MEI4: variants seen among roughly 807,000 people sequenced by gnomAD.
MEI4 encodes the protein meiosis-specific protein MEI4.
MEI4 carries 27 observed loss-of-function variants against 31.4 expected under a neutral mutation model. The ratio of observed to expected loss-of-function variants is 0.86; its 90% CI spans 0.63 to 1.19. The LOEUF (loss-of-function observed/expected upper bound fraction) is 1.19. MEI4 is among the 50% of genes most tolerant of loss of function. The pLI is 0.00. For synonymous variants in MEI4, 122 were observed against 145.4 expected, an observed-to-expected ratio of 0.84 and a Z score of 1.16; for missense variants, 329 against 398.9, an observed-to-expected ratio of 0.82 and a Z score of 1.49.
chr6:77,719,393 A>G (rs1459192536), intron 2 of MEI4, among the ~76,000 whole-genome samples: 1 of 131,324 alleles, frequency 7.6e-6, no homozygotes. Context: ...GAATCTACAG[A>G]TGGGACTGAC....
At chr6:77,841,313 G>GCATATATATATATATATA (rs1395757777) in intron 4 of MEI4, among the ~76,000 whole-genome samples, 12 of 48,388 alleles carry the variant, frequency 2.5e-4, no homozygotes, top group South Asian at 5.7e-4. Flanking sequence ...ACAAATGTGT[G>GCATATATATATATATATA]CATATATATA....
At chr6:77,824,321 G>A (rs1225877550) in intron 3 of MEI4, among the ~76,000 whole-genome samples, 2 of 151,988 alleles carry the variant, frequency 1.3e-5, no homozygotes, top group Admixed American at 1.3e-4. Flanking sequence ...GGCTGGTCTC[G>A]AACTCCTGAC....
intron 4 of MEI4, among the ~76,000 whole-genome samples, chr6:77,844,662 A>G (rs1232858716): frequency 6.6e-6 from 1 of 152,160 alleles, no homozygotes; most frequent in African/African-American, 2.4e-5. Context: ...TAAATTATGC[A>G]GGGAATATAT....
rs562431475 is a variant in MEI4 at position 77,874,482 on chromosome 6, T to C, written c.900+45420T>C. ...TATCTTGAGACTTTGCTGAAGTTGCTTGTCAGCTTAAGGAGATTTTGGGCT... is the reference window on the plus strand; with the variant it reads ...TATCTTGAGACTTTGCTGAAGTTGCCTGTCAGCTTAAGGAGATTTTGGGCT... On this transcript the variant is annotated intron_variant, in intron 4 of 4. Coordinates refer to ENST00000684080, the MANE Select transcript of MEI4 (RefSeq NM_001322247.2). Among the ~76,000 whole-genome samples the C allele has an allele frequency of 3.3e-5, 5 of 152,344 alleles. No homozygotes were observed. In the East Asian group the frequency reaches 5.8e-4, roughly 18 times the overall value.
chr6:77,702,431 G>T (rs1766246907), intron 2 of MEI4, among the ~76,000 whole-genome samples: 1 of 152,146 alleles, frequency 6.6e-6, no homozygotes, highest in South Asian at 2.1e-4. Flanking sequence ...GTTTAAAATT[G>T]TAGTTGATTT....
chr6:77,788,519 A>C (rs1254087950), intron 3 of MEI4, among the ~76,000 whole-genome samples: 5 of 152,186 alleles, frequency 3.3e-5, no homozygotes, highest in Non-Finnish European at 4.4e-5. Context: ...GTCTCAGTCC[A>C]AAATCTCCTT....
At chr6:77,799,063 A>G (rs1340636183) in intron 3 of MEI4, among the ~76,000 whole-genome samples, 5 of 151,760 alleles carry the variant, frequency 3.3e-5, no homozygotes, top group South Asian at 2.1e-4. Context: ...CTGAGGAATC[A>G]CCACACTGAC....
At chr6:77,805,939 A>G (rs1281464102) in intron 3 of MEI4, among the ~76,000 whole-genome samples, 2 of 152,112 alleles carry the variant, frequency 1.3e-5, no homozygotes, top group East Asian at 3.8e-4. Flanking sequence ...TGTCTCTAAA[A>G]ATAGAATCAT....
At chr6:77,901,062 G>T (rs1218743359) in intron 4 of MEI4, among the ~76,000 whole-genome samples, 1 of 151,818 alleles carries the variant, frequency 6.6e-6, no homozygotes, top group Non-Finnish European at 1.5e-5. Context: ...TTTTAAGGCT[G>T]AATAATAGTT....
intron 4 of MEI4, among the ~76,000 whole-genome samples, chr6:77,905,475 CTTTTTTTTTTTTTTTTTTTTTTTTTTT>C (rs70974691): frequency 1.1e-5 from 1 of 93,340 alleles, no homozygotes; most frequent in Non-Finnish European, 2.1e-5. Flanking sequence ...AAATTTTCAG[CTTTTTTTTTTTTTTTTTTTTTTTTTTT>C]TTTTTTTTTT....
At chr6:77,659,095 T>G (rs1239361443) in intron 1 of MEI4, among the ~76,000 whole-genome samples, 2 of 152,080 alleles carry the variant, frequency 1.3e-5, no homozygotes, top group African/African-American at 4.8e-5. Flanking sequence ...AGCAGAGAAG[T>G]CATTAGACAG....
At chr6:77,776,294 T>C (rs1768440383) in intron 3 of MEI4, among the ~76,000 whole-genome samples, 1 of 152,146 alleles carries the variant, frequency 6.6e-6, no homozygotes, top group Non-Finnish European at 1.5e-5. Flanking sequence ...TTCTGCTTAC[T>C]ATACCTAACC....
chr6:77,776,278 CT>C (rs1331964523), intron 3 of MEI4, among the ~76,000 whole-genome samples: 2 of 151,734 alleles, frequency 1.3e-5, no homozygotes, highest in African/African-American at 2.4e-5. Context: ...CTTTTGAGGG[CT>C]TTTTTTCTGC....
rs1004609058 is a variant in MEI4, at chr6:77,695,744, C to T, written c.232+4841C>T. Among the ~76,000 whole-genome samples, 545 of 152,178 alleles carry T rather than the reference C, an allele frequency of 3.6e-3. 1 individual carries two copies. The highest frequency in any genetic ancestry group is 5.7e-3 in the African/African-American group (235 of 41,508). On this transcript the variant is annotated intron_variant, in intron 2 of 4. Transcript: ENST00000684080. ...TTGGCTTAGGATTGACTTGGCAATG[C>T]GGGCTCTTTTTTGGTTCCATATGAA...
In MEI4 at chr6:77,820,134, CTG is replaced by C. The variant is rs986520431; in HGVS notation, c.769-8796_769-8795del. On this transcript the variant is annotated intron_variant, in intron 3 of 4. Coordinates refer to ENST00000684080, the MANE Select transcript of MEI4 (RefSeq NM_001322247.2). This position sits in a 1 kb window ranked among gnomAD's most constrained non-coding sequence, Gnocchi z 4.5. ...ATGAGTTGTTTTGATAGAAACGAAA[CTG>C]AAATATAAAAGTAAGTATTTTAAAA... is the stretch of plus-strand genomic sequence containing the variant. 2.0e-5 allele frequency among the ~76,000 whole-genome samples: 3 copies of C among 151,892 alleles called. No individual in the cohort carries two copies. Among genetic ancestry groups the C allele is most frequent in the Non-Finnish European group, 1.5e-5 (1 of 67,992 alleles).
chr6:77,818,980 C>T (rs1425165900), intron 3 of MEI4, among the ~76,000 whole-genome samples: 2 of 152,152 alleles, frequency 1.3e-5, no homozygotes, highest in African/African-American at 4.8e-5. Context: ...AAGTAATCCT[C>T]TTGGCTTCCC....
chr6:77,700,049 C>A (rs1337862717), intron 2 of MEI4, among the ~76,000 whole-genome samples: 4 of 152,226 alleles, frequency 2.6e-5, no homozygotes, highest in Non-Finnish European at 5.9e-5. Flanking sequence ...GGTCAGGGAC[C>A]CACTTGAGGA....
chr6:77,799,581 T>A (rs1769186703), intron 3 of MEI4, among the ~76,000 whole-genome samples: 1 of 152,212 alleles, frequency 6.6e-6, no homozygotes, highest in African/African-American at 2.4e-5. Context: ...GCCTATGTCC[T>A]GAATGGTAAT....
chr6:77,739,864 G>A (rs1234870331), intron 2 of MEI4, among the ~76,000 whole-genome samples: 1 of 152,020 alleles, frequency 6.6e-6, no homozygotes, highest in Non-Finnish European at 1.5e-5. Context: ...TTGGCTCTTG[G>A]TTCTCTAATT....
Sources: allele counts gnomAD v4.1 joint callset (sites outside exome capture counted in the v4.1 genomes callset), GRCh38; gene constraint gnomAD v4.1.1; non-coding constraint Gnocchi (gnomAD v3.1); transcripts MANE v1.5; gene names NCBI Gene and HGNC (gene_info 2026-07-23, HGNC 2026-07-21).